PXDNL: variants seen among roughly 807,000 people sequenced by gnomAD.
PXDNL encodes peroxidasin like.
Under a neutral mutation model 150.8 loss-of-function variants are expected in PXDNL, and 145 were observed. That is an observed-to-expected ratio of 0.96 (90% CI 0.84 to 1.10). The LOEUF is 1.10. PXDNL is among the 50% of genes least tolerant of loss of function. The pLI is 0.00. For missense variants in PXDNL, 2,087 were observed against 1,873.9 expected (o/e 1.11, Z -2.10); for synonymous variants, 757 against 725.7 (o/e 1.04, Z -0.69).
chr8:51,700,031 G>T (rs1434021997), intron 1 of PXDNL, among the ~76,000 whole-genome samples: 3 of 152,108 alleles, frequency 2.0e-5, no homozygotes, highest in Admixed American at 2.0e-4. Flanking sequence ...GAGACAGGAA[G>T]TGAGCACATG....
chr8:51,477,901 A>G (rs1035801714), intron 6 of PXDNL, among the ~76,000 whole-genome samples: 5 of 152,168 alleles, frequency 3.3e-5, no homozygotes, highest in Non-Finnish European at 7.4e-5. Flanking sequence ...TTTCAACTTA[A>G]GATATCAATA....
chr8:51,417,901 T>C (rs1808839528), intron 14 of PXDNL, among the ~76,000 whole-genome samples: 1 of 152,250 alleles, frequency 6.6e-6, no homozygotes, highest in Non-Finnish European at 1.5e-5. Context: ...CACTGTTTTT[T>C]CAGAGACTGG....
intron 4 of PXDNL, among the ~76,000 whole-genome samples, chr8:51,508,851 T>C (rs1305721974): frequency 6.6e-6 from 1 of 152,206 alleles, no homozygotes; most frequent in African/African-American, 2.4e-5. Flanking sequence ...AGCATGTCCA[T>C]CTCAGCTGAG....
intron 21 of PXDNL, among the ~76,000 whole-genome samples, chr8:51,330,293 C>G (rs1805643618): frequency 6.6e-6 from 1 of 151,938 alleles, no homozygotes; most frequent in Non-Finnish European, 1.5e-5. Context: ...AATCTGTTGA[C>G]CTGAAGATAT....
Position 51,543,877 on chromosome 8 carries a change from G to A in PXDNL, c.380+12963C>T, listed in dbSNP as rs1812286824. 2.0e-5 allele frequency among the ~76,000 whole-genome samples: 3 copies of A among 152,064 alleles called. No individual in the cohort carries two copies. In the South Asian group the frequency reaches 6.2e-4, roughly 32 times the overall value. On this transcript the variant is annotated intron_variant, in intron 4 of 22. Coordinates refer to ENST00000356297, the MANE Select transcript of PXDNL (RefSeq NM_144651.5). ...GGCAAGAAAAAAGAAAAATTTATTGGCAAGGATAATCAATAAAAATATGAA... is the reference window on the plus strand; with the variant it reads ...GGCAAGAAAAAAGAAAAATTTATTGACAAGGATAATCAATAAAAATATGAA...
intron 2 of PXDNL, among the ~76,000 whole-genome samples, chr8:51,593,175 G>A (rs1813484868): frequency 1.3e-5 from 2 of 152,144 alleles, no homozygotes; most frequent in African/African-American, 2.4e-5. Flanking sequence ...CATAGGAAGT[G>A]AGGCTCTTAT....
intron 10 of PXDNL, among the ~76,000 whole-genome samples, chr8:51,452,241 T>C (rs919024508): frequency 7.9e-5 from 12 of 152,356 alleles, no homozygotes; most frequent in African/African-American, 2.9e-4. Flanking sequence ...CACAGTTTCT[T>C]TGAAGGTATT....
chr8:51,348,081 G>A (rs1806216299), intron 19 of PXDNL, among the ~76,000 whole-genome samples: 1 of 152,088 alleles, frequency 6.6e-6, no homozygotes, highest in African/African-American at 2.4e-5. Flanking sequence ...AATAAAAGTG[G>A]ATAAGGCATG....
chr8:51,638,293 T>C (rs1191594143), intron 2 of PXDNL, among the ~76,000 whole-genome samples: 3 of 152,076 alleles, frequency 2.0e-5, no homozygotes, highest in South Asian at 2.1e-4. Context: ...CTGCATCAAC[T>C]AACGACCAAA....
chr8:51,753,115 G>T (rs1006874529), intron 1 of PXDNL, among the ~76,000 whole-genome samples: 1 of 152,218 alleles, frequency 6.6e-6, no homozygotes, highest in Non-Finnish European at 1.5e-5. Flanking sequence ...TCAGAGCACA[G>T]ATTTATCCTA....
intron 2 of PXDNL, among the ~76,000 whole-genome samples, chr8:51,622,561 G>A (rs1463326606): frequency 1.3e-5 from 2 of 152,146 alleles, no homozygotes; most frequent in Admixed American, 1.3e-4. Flanking sequence ...TTATTATGAT[G>A]TATTAACATT....
intron 2 of PXDNL, among the ~76,000 whole-genome samples, chr8:51,644,625 A>AAT (rs10626597): frequency 1 from 150,784 of 150,792 alleles, 75,388 homozygotes; most frequent in Middle Eastern, 1. Flanking sequence ...GCGCCCAGCT[A>AAT]TTTTTGTATT....
intron 21 of PXDNL, among the ~76,000 whole-genome samples, chr8:51,335,947 C>A (rs1169692475): frequency 2.0e-5 from 3 of 152,006 alleles, no homozygotes; most frequent in African/African-American, 7.2e-5. Context: ...TAAATCAAGA[C>A]CAAAAATCAT....
intron 1 of PXDNL, among the ~76,000 whole-genome samples, chr8:51,778,107 C>T (rs1585743396): frequency 6.6e-6 from 1 of 151,900 alleles, no homozygotes; most frequent in Non-Finnish European, 1.5e-5. Context: ...AAAGCAGAGG[C>T]GAGTATATCA....
rs114625320 is a variant in PXDNL at position 51,398,638 on chromosome 8, C to T, written c.3557+9429G>A. Among the ~76,000 whole-genome samples, 345 of 152,316 alleles carry T rather than the reference C, an allele frequency of 2.3e-3. 2 individuals carry two copies. Among genetic ancestry groups the T allele is most frequent in the African/African-American group, 7.7e-3 (319 of 41,568 alleles). On this transcript the variant is annotated intron_variant, in intron 17 of 22. Coordinates refer to ENST00000356297, the MANE Select transcript of PXDNL (RefSeq NM_144651.5). ...TGGAAGTTCAGCCACCCCACATCAG[C>T]GGAGCTTAGGCAACATTCCTGGGGT...
At chr8:51,461,069 C>T (rs983660567) in intron 8 of PXDNL, among the ~76,000 whole-genome samples, 1 of 152,186 alleles carries the variant, frequency 6.6e-6, no homozygotes, top group Non-Finnish European at 1.5e-5. Context: ...GCTTTGCCAG[C>T]AGCCTGAGAG....
intron 1 of PXDNL, among the ~76,000 whole-genome samples, chr8:51,714,873 A>C (rs1046344084): frequency 2.0e-5 from 3 of 152,248 alleles, no homozygotes; most frequent in African/African-American, 7.2e-5. Context: ...GGAAACAGAG[A>C]AAACATTACT....
rs1216055332 is a variant in PXDNL, at chr8:51,409,193, C to T, written c.2431G>A (p.Glu811Lys). The T allele has an allele frequency of 6.3e-7, 1 of 1,591,004 alleles. No homozygotes were observed. Among genetic ancestry groups the T allele is most frequent in the East Asian group, 2.3e-5 (1 of 44,146 alleles). The change falls in exon 17 of 23, where the codon GAG becomes AAG. Residue 811 changes from glutamate (E) to lysine (K), a missense_variant. Physicochemically the swap from Glu to Lys is moderately conservative, Grantham distance 56. Coordinates refer to ENST00000356297, the MANE Select transcript of PXDNL (RefSeq NM_144651.5). The part of the protein sequence containing the change: ...RMLMHWGWFL[E>K]HDLDHTVPAL... ...GGCACTGTGTGGTCCAAGTCGTGCT[C>T]TAGAAACCAGCCCCAGTGCATGAGC...
At chr8:51,593,442 T>C (rs1034587554) in intron 2 of PXDNL, among the ~76,000 whole-genome samples, 14 of 152,214 alleles carry the variant, frequency 9.2e-5, no homozygotes, top group African/African-American at 2.7e-4. Context: ...GCTAATTAGA[T>C]TGGCACACAT....
Sources: gnomAD v4.1 joint callset for allele counts (sites outside exome capture counted in the v4.1 genomes callset) on GRCh38, gnomAD v4.1.1 for gene constraint, MANE v1.5 for transcripts, NCBI Gene and HGNC (gene_info 2026-07-23, HGNC 2026-07-21) for gene names.